Variants in TOPAZ1 observed in about 807,000 individuals in gnomAD.
The protein encoded by TOPAZ1 is testis and ovary specific TOPAZ 1, also known as protein TOPAZ1.
Under a neutral mutation model 172.2 loss-of-function variants are expected in TOPAZ1, and 66 were observed. That is an observed-to-expected ratio of 0.38 (90% CI 0.31 to 0.47). The LOEUF (loss-of-function observed/expected upper bound fraction) is 0.47, where lower values mean the gene tolerates loss of function less well. TOPAZ1 is among the 20% of genes least tolerant of loss of function. The pLI is 0.99. For synonymous variants in TOPAZ1, 681 were observed against 683.9 expected, an observed-to-expected ratio of 1.00 and a Z score of 0.07; for missense variants, 1,822 against 1,972.4, an observed-to-expected ratio of 0.92 and a Z score of 1.44.
At chr3:44,307,700 A>G (rs144609623) in intron 15 of TOPAZ1, among the ~76,000 whole-genome samples, 2 of 152,326 alleles carry the variant, frequency 1.3e-5, no homozygotes, top group Admixed American at 1.3e-4. Context: ...ACAATTGAAT[A>G]TATACGTTCA....
chr3:44,320,945 T>C (rs1700500486), intron 16 of TOPAZ1, 82 bp from the exon 17 acceptor site: 1 of 911,546 alleles, frequency 1.1e-6, no homozygotes, highest in Non-Finnish European at 1.6e-6. Flanking sequence ...CTTCAAAAGA[T>C]ATATTGAAAC....
At chr3:44,302,184 G>A (rs1004148521) in intron 12 of TOPAZ1, among the ~76,000 whole-genome samples, 9 of 152,150 alleles carry the variant, frequency 5.9e-5, no homozygotes, top group African/African-American at 2.2e-4. Context: ...GCCGAGGTGG[G>A]CAGATCACGA....
At chr3:44,316,000 C>T (rs1271215134) in intron 16 of TOPAZ1, among the ~76,000 whole-genome samples, 2 of 151,822 alleles carry the variant, frequency 1.3e-5, no homozygotes, top group Non-Finnish European at 1.5e-5. Context: ...TTTGGGAGGC[C>T]GAGGCAGTTG....
At chr3:44,328,931 C>A (rs1419679826) in intron 19 of TOPAZ1, among the ~76,000 whole-genome samples, 1 of 152,156 alleles carries the variant, frequency 6.6e-6, no homozygotes, top group Non-Finnish European at 1.5e-5. Flanking sequence ...CACCCTTTCA[C>A]GTAATTTTGT....
intron 16 of TOPAZ1, among the ~76,000 whole-genome samples, chr3:44,316,611 AT>A (rs1171345542): frequency 1.3e-5 from 2 of 151,712 alleles, no homozygotes; most frequent in African/African-American, 4.8e-5. Flanking sequence ...GCCTACTGAC[AT>A]TTTTTCTACT....
intron 19 of TOPAZ1, among the ~76,000 whole-genome samples, chr3:44,330,514 C>T (rs1700655859): frequency 6.6e-6 from 1 of 152,208 alleles, no homozygotes; most frequent in Non-Finnish European, 1.5e-5. Context: ...TAGTTGGCAT[C>T]TGCACCACCT....
At position 44,262,458 on chromosome 3, in the gene TOPAZ1, GA is replaced by G; in HGVS notation, c.2999del (p.Asn1000IlefsTer34). On this transcript the variant is annotated frameshift_variant, in exon 5 of 20. Transcript: ENST00000309765. LOFTEE classifies it high-confidence loss of function. ...TDKVITKEEK[E>X]NIYEVCKSKD... ...CAAAGTGATTACCAAAGAAGAAAAA[GA>G]AAATATTTATGAAGTTTGCAAAAGG... 6.7e-7 allele frequency: 1 copy of G among 1,485,174 alleles called. No homozygotes were observed. The highest frequency in any genetic ancestry group is 9.2e-7 in the Non-Finnish European group (1 of 1,091,390). The allele number at this position is 1,485,174 out of a possible 1,614,324, so 92.0% of individuals were successfully genotyped here.
intron 16 of TOPAZ1, among the ~76,000 whole-genome samples, chr3:44,316,054 G>T (rs1258304883): frequency 1.3e-5 from 2 of 151,802 alleles, no homozygotes; most frequent in African/African-American, 4.8e-5. Flanking sequence ...GGGCAACGTA[G>T]GGAGACTCTG....
intron 5 of TOPAZ1, among the ~76,000 whole-genome samples, chr3:44,263,804 G>A (rs1390817429): frequency 2.6e-5 from 4 of 152,106 alleles, no homozygotes; most frequent in Non-Finnish European, 5.9e-5. Context: ...TTACTAATCA[G>A]CTCTGAAGTA....
rs770635982 is a variant in TOPAZ1, at chr3:44,331,772, A to G, written c.4860-20A>G. 1.0e-4 allele frequency: 156 copies of G among 1,522,678 alleles called. 2 individuals are homozygous for G. In the South Asian group the frequency reaches 1.8e-3, roughly 18 times the overall value. The allele number at this position is 1,522,678 out of a possible 1,614,324, so 94.3% of individuals were successfully genotyped here. ...AGCTTTTTTAAGAGTTTCTGACTTT[A>G]TGAGGTGTTCATTTTATAGGTGTGA... On this transcript the variant is annotated intron_variant, in intron 19 of 19. Coordinates refer to ENST00000309765, the MANE Select transcript of TOPAZ1 (RefSeq NM_001145030.2).
At chr3:44,296,476 G>T (rs1259140525) in intron 12 of TOPAZ1, among the ~76,000 whole-genome samples, 2 of 150,820 alleles carry the variant, frequency 1.3e-5, no homozygotes, top group Non-Finnish European at 2.9e-5. Flanking sequence ...ATGAGACCAG[G>T]GTTATCAGTA....
At chr3:44,280,037 G>A (rs1386572844) in intron 8 of TOPAZ1, among the ~76,000 whole-genome samples, 1 of 152,010 alleles carries the variant, frequency 6.6e-6, no homozygotes, top group African/African-American at 2.4e-5. Context: ...ATTCCCTTAA[G>A]TATTTCTTGT....
intron 16 of TOPAZ1, among the ~76,000 whole-genome samples, chr3:44,318,489 G>C (rs1374793843): frequency 6.6e-6 from 1 of 151,264 alleles, no homozygotes; most frequent in Admixed American, 6.6e-5. Context: ...GGCCACGGTG[G>C]GGGGTGGGGG....
chr3:44,266,333 T>G (rs1424253581), intron 5 of TOPAZ1, among the ~76,000 whole-genome samples: 1 of 152,230 alleles, frequency 6.6e-6, no homozygotes, highest in African/African-American at 2.4e-5. Context: ...GGAGTAACAC[T>G]TTTAATTTCC....
chr3:44,252,138 C>A (rs1418186821), intron 2 of TOPAZ1, among the ~76,000 whole-genome samples: 2 of 152,108 alleles, frequency 1.3e-5, no homozygotes, highest in East Asian at 3.8e-4. Context: ...TAAATACTAT[C>A]TTAATACTTG....
intron 2 of TOPAZ1, among the ~76,000 whole-genome samples, chr3:44,248,252 A>G (rs1699589133): frequency 6.6e-6 from 1 of 152,126 alleles, no homozygotes; most frequent in Admixed American, 6.6e-5. Flanking sequence ...CACCTTGGGA[A>G]TGGTAATTAT....
In TOPAZ1 at chr3:44,255,665, AT is replaced by A. The variant is rs1421941308; in HGVS notation, c.2828-485del. 1.2e-3 allele frequency among the ~76,000 whole-genome samples: 76 copies of A among 63,236 alleles called. 4 individuals carry two copies. The highest frequency in any genetic ancestry group is 4.0e-3 in the African/African-American group (57 of 14,270). 41.5% of individuals were successfully genotyped at this position (63,236 alleles called of 152,430 possible). On this transcript the variant is annotated intron_variant, in intron 3 of 19. Transcript: ENST00000309765. ...AGACTCTGTCTCAAAAAAAAAAAAT[AT>A]ATATACACACACACACACACACACA...
At chr3:44,315,705 G>A (rs1022548777) in intron 16 of TOPAZ1, among the ~76,000 whole-genome samples, 1 of 151,910 alleles carries the variant, frequency 6.6e-6, no homozygotes, top group African/African-American at 2.4e-5. Context: ...GATCTTCCCA[G>A]CACAAAGCTG....
Position 44,282,778 on chromosome 3 carries a change from T to TA in TOPAZ1, c.3436+756dup, listed in dbSNP as rs1038400092. ...ATTTCTGCTTGAGATCTCATTCTGCTAAAAAAAAAGTCTCTGACAGGTTTA... is the reference window on the plus strand; with the variant it reads ...ATTTCTGCTTGAGATCTCATTCTGCTAAAAAAAAAAGTCTCTGACAGGTTTA... On this transcript the variant is annotated intron_variant, in intron 9 of 19. Transcript: ENST00000309765. Among the ~76,000 whole-genome samples the TA allele has an allele frequency of 3.6e-3, 549 of 150,824 alleles. 1 individual carries two copies. Among genetic ancestry groups the TA allele is most frequent in the African/African-American group, 0.012 (501 of 41,168 alleles).
Sources: allele counts gnomAD v4.1 joint callset (sites outside exome capture counted in the v4.1 genomes callset), GRCh38; gene constraint gnomAD v4.1.1; transcripts MANE v1.5; gene names NCBI Gene and HGNC (gene_info 2026-07-23, HGNC 2026-07-21).